The following MAX variants were observed in gnomAD, a reference collection of about 807,000 sequenced individuals.
The protein encoded by MAX is protein max.
A neutral mutation model predicts 22.3 loss-of-function variants in MAX; 3 were observed. The ratio of observed to expected loss-of-function variants is 0.13; its 90% CI spans 0.06 to 0.35. MAX has a LOEUF of 0.35. Among genes scored for constraint, MAX ranks in the 10% least tolerant of loss-of-function variants. The pLI, the probability that MAX is intolerant of heterozygous loss-of-function variation, is 1.00. For synonymous variants in MAX, 72 were observed against 77.7 expected (o/e 0.93, Z 0.39); for missense variants, 119 against 209.4 (o/e 0.57, Z 2.66).
rs2062072825 is a variant in MAX, at chr14:65,031,123, G to T, written c.172-24839C>A. On this transcript the variant is annotated intron_variant, in intron 3 of 3. Transcript: ENST00000341653. The surrounding 1 kb of genome is among the most constrained non-coding windows in gnomAD (Gnocchi z 4.6). The stretch of plus-strand genomic sequence containing the variant: ...ATGCCTGGCCAGGAGAAGGATTTTT[G>T]AGCAGAATTCAAACCAATGATTTTT... 6.6e-6 allele frequency among the ~76,000 whole-genome samples: 1 copy of T among 151,354 alleles called. No individual in the cohort carries two copies. Among genetic ancestry groups the T allele is most frequent in the Non-Finnish European group, 1.5e-5 (1 of 67,792 alleles).
At chr14:65,068,922 C>T (rs1461736407) in intron 3 of MAX, among the ~76,000 whole-genome samples, 1 of 152,106 alleles carries the variant, frequency 6.6e-6, no homozygotes, top group Non-Finnish European at 1.5e-5. Context: ...ACAAAGGAGG[C>T]AAGGGGAGGC....
rs143669054 is a variant in MAX, at chr14:65,078,998, C to A, written c.172-962G>T. Reference sequence around the variant, plus strand: ...GCCTGGCTTTAAACTCAGAGCCATCCGACTCCTGAACTGTACTCCTCCCAT... The same window carrying A: ...GCCTGGCTTTAAACTCAGAGCCATCAGACTCCTGAACTGTACTCCTCCCAT... On this transcript the variant is annotated intron_variant, in intron 3 of 4. Transcript: ENST00000358664. This position sits in a 1 kb window ranked among gnomAD's most constrained non-coding sequence, Gnocchi z 6.4. Among the ~76,000 whole-genome samples, 1 of 152,216 alleles carries A rather than the reference C, an allele frequency of 6.6e-6. No individual in the cohort carries two copies. The highest frequency in any genetic ancestry group is 1.5e-5 in the Non-Finnish European group (1 of 68,032).
intron 3 of MAX, among the ~76,000 whole-genome samples, chr14:65,036,297 C>T (rs566993593): frequency 1.3e-5 from 2 of 150,196 alleles, no homozygotes; most frequent in South Asian, 2.1e-4. Flanking sequence ...AGTGCAGTGG[C>T]GTGATCTTGG....
In MAX at chr14:65,023,801, T is replaced by A. The variant is rs564951661; in HGVS notation, c.172-17517A>T. 6.6e-6 allele frequency among the ~76,000 whole-genome samples: 1 copy of A among 152,010 alleles called. No homozygotes were observed. Among genetic ancestry groups the A allele is most frequent in the African/African-American group, 2.4e-5 (1 of 41,340 alleles). ...AGCATTGCTATCACCTGGGAACTTA[T>A]TAGAAATGAGGACTCTCAGCCGGGC... is the stretch of plus-strand genomic sequence containing the variant. On this transcript the variant is annotated intron_variant, in intron 3 of 3. Transcript: ENST00000341653. The surrounding 1 kb of genome is among the most constrained non-coding windows in gnomAD (Gnocchi z 4.1).
chr14:65,040,285 A>ATATATATGTATATATATGTGTG (rs1555336293), intron 3 of MAX, among the ~76,000 whole-genome samples: 4 of 145,144 alleles, frequency 2.8e-5, no homozygotes, highest in African/African-American at 8.0e-5. Context: ...ATATGTGTGT[A>ATATATATGTATATATATGTGTG]TATATATATA....
chr14:65,041,613 A>G (rs2062355577), intron 3 of MAX, among the ~76,000 whole-genome samples: 1 of 152,190 alleles, frequency 6.6e-6, no homozygotes, highest in Non-Finnish European at 1.5e-5. Flanking sequence ...CCTCTCCCTG[A>G]GTTCAGATGC....
At chr14:65,039,023 T>G (rs1438932089) in intron 3 of MAX, among the ~76,000 whole-genome samples, 1 of 152,240 alleles carries the variant, frequency 6.6e-6, no homozygotes, top group Non-Finnish European at 1.5e-5. Flanking sequence ...TCCTCCAATT[T>G]ATTTTTGTTT....
In MAX at chr14:65,007,592, T is replaced by C. The variant is rs923876858; in HGVS notation, c.172-1308A>G. ...CCCCTTCCCAGAAATGATTTTCTTC[T>C]CTAAGGTTGGGACTGTCTACCTGGA... On this transcript the variant is annotated intron_variant, in intron 3 of 3. Coordinates refer to the MAX transcript ENST00000341653. This position sits in a 1 kb window ranked among gnomAD's most constrained non-coding sequence, Gnocchi z 4.9. Among the ~76,000 whole-genome samples the C allele has an allele frequency of 6.6e-6, 1 of 152,246 alleles. No individual in the cohort carries two copies. Among genetic ancestry groups the C allele is most frequent in the Non-Finnish European group, 1.5e-5 (1 of 68,044 alleles).
rs1595124960 is a variant in MAX at position 65,075,450 on chromosome 14, C to T, written c.*1026G>A. ...GGATGAGGGCTGGGAAGGGTCCGCA[C>T]TGGGGTGCGGGTTTAGTACCAGGTA... On this transcript the variant is annotated 3_prime_UTR_variant, in exon 5 of 5. Transcript: ENST00000358664. This position sits in a 1 kb window ranked among gnomAD's most constrained non-coding sequence, Gnocchi z 4.1. 9.4e-7 allele frequency: 1 copy of T among 1,064,258 alleles called. No individual in the cohort carries two copies. The highest frequency in any genetic ancestry group is 1.6e-5 in the African/African-American group (1 of 61,088). 65.9% of individuals were successfully genotyped at this position (1,064,258 alleles called of 1,614,324 possible). A position where few individuals can be genotyped will look rare whatever the true frequency, so the allele number is the denominator to read the frequency against.
intron 3 of MAX, among the ~76,000 whole-genome samples, chr14:65,035,059 T>A (rs956367294): frequency 6.6e-6 from 1 of 152,264 alleles, no homozygotes; most frequent in Non-Finnish European, 1.5e-5. Flanking sequence ...AAACTTGAAC[T>A]GAGTTTAAAT....
chr14:65,076,283 C>G lies in MAX; in HGVS notation c.*193G>C. On this transcript the variant is annotated 3_prime_UTR_variant, in exon 5 of 5. Transcript: ENST00000358664. This position sits in a 1 kb window ranked among gnomAD's most constrained non-coding sequence, Gnocchi z 6.6. Reference sequence around the variant, plus strand: ...TGAAGGGAATACATTAAAAAATATACAGTGGAAATGGGGAAGGAGAACGAG... The same window carrying G: ...TGAAGGGAATACATTAAAAAATATAGAGTGGAAATGGGGAAGGAGAACGAG... 1 of 1,449,984 alleles carries G rather than the reference C, an allele frequency of 6.9e-7. No individual in the cohort carries two copies. The highest frequency in any genetic ancestry group is 9.0e-7 in the Non-Finnish European group (1 of 1,108,058). The allele number at this position is 1,449,984 out of a possible 1,614,324, so 89.8% of individuals were successfully genotyped here.
Position 65,037,587 on chromosome 14 carries a change from G to A in MAX, c.172-31303C>T, listed in dbSNP as rs1030103321. ...CTGTGACTACAGGCATCCACCATCC[G>A]CTAATTTTTTAAATTTTTGTAGAGA... is the stretch of plus-strand genomic sequence containing the variant. On this transcript the variant is annotated intron_variant, in intron 3 of 3. Transcript: ENST00000341653. 4.7e-5 allele frequency among the ~76,000 whole-genome samples: 7 copies of A among 148,378 alleles called. No homozygotes were observed. In the East Asian group the frequency reaches 5.8e-4, roughly 12 times the overall value.
At chr14:65,056,829 T>A (rs190162764) in intron 3 of MAX, among the ~76,000 whole-genome samples, 2 of 152,352 alleles carry the variant, frequency 1.3e-5, no homozygotes, top group Admixed American at 6.5e-5. Context: ...AGAGAATACC[T>A]GAGACTAGGT....
chr14:65,042,643 T>A (rs2062377922), intron 3 of MAX, among the ~76,000 whole-genome samples: 1 of 152,224 alleles, frequency 6.6e-6, no homozygotes, highest in Admixed American at 6.5e-5. Flanking sequence ...TCCAGACTAC[T>A]CCCTTCCATT....
At position 65,054,017 on chromosome 14, in the gene MAX, C is replaced by A. The variant is rs1435845146; in HGVS notation, c.171+39691G>T. ...GCTGGAGAGACTGACTTTAAAATTA[C>A]AGTTTCCTTTAATAGTTTAAGGTAA... On this transcript the variant is annotated intron_variant, in intron 3 of 3. Transcript: ENST00000341653. This position sits in a 1 kb window ranked among gnomAD's most constrained non-coding sequence, Gnocchi z 4.4. 6.6e-6 allele frequency among the ~76,000 whole-genome samples: 1 copy of A among 152,146 alleles called. No individual in the cohort carries two copies. Among genetic ancestry groups the A allele is most frequent in the East Asian group, 1.9e-4 (1 of 5,194 alleles).
Position 65,077,624 on chromosome 14 carries a change from C to T in MAX, c.295+289G>A, listed in dbSNP as rs1479851494. ...TCAGACACCTGATGCCAGGTGTGAT[C>T]CCTACTGCAGGCAGAGCACCTGAGC... is the stretch of plus-strand genomic sequence containing the variant. On this transcript the variant is annotated intron_variant, in intron 4 of 4. Transcript: ENST00000358664. The surrounding 1 kb of genome is among the most constrained non-coding windows in gnomAD (Gnocchi z 6.3). The T allele has an allele frequency of 2.6e-6, 3 of 1,154,598 alleles. No individual in the cohort carries two copies. Among genetic ancestry groups the T allele is most frequent in the African/African-American group, 3.1e-5 (2 of 65,244 alleles). 71.5% of individuals were successfully genotyped at this position (1,154,598 alleles called of 1,614,324 possible).
At chr14:65,039,655 T>G (rs2062298789) in intron 3 of MAX, among the ~76,000 whole-genome samples, 1 of 152,130 alleles carries the variant, frequency 6.6e-6, no homozygotes, top group Non-Finnish European at 1.5e-5. Context: ...TTCTTGTCCT[T>G]CTTGTGTTAG....
chr14:65,022,439 A>C (rs2139555649), intron 3 of MAX, among the ~76,000 whole-genome samples: 1 of 152,144 alleles, frequency 6.6e-6, no homozygotes, highest in South Asian at 2.1e-4. Flanking sequence ...CTCAGTTTTT[A>C]CCTACTAGAA....
chr14:65,080,905 C>T (rs535212364), intron 3 of MAX, among the ~76,000 whole-genome samples: 1 of 152,290 alleles, frequency 6.6e-6, no homozygotes, highest in Middle Eastern at 3.4e-3. Context: ...AATATTTATA[C>T]ATGAAACCAG....
Sources: gnomAD v4.1 joint callset for allele counts (sites outside exome capture counted in the v4.1 genomes callset) on GRCh38, gnomAD v4.1.1 for gene constraint, Gnocchi (gnomAD v3.1) non-coding constraint, MANE v1.5 for transcripts, NCBI Gene and HGNC (gene_info 2026-07-23, HGNC 2026-07-21) for gene names.